Variants in FHAD1 observed in about 807,000 individuals in gnomAD.
The protein encoded by FHAD1 is forkhead-associated domain-containing protein 1.
Under a neutral mutation model 191.3 loss-of-function variants are expected in FHAD1, and 146 were observed. The ratio of observed to expected loss-of-function variants is 0.76; its 90% CI spans 0.67 to 0.88. The LOEUF (loss-of-function observed/expected upper bound fraction) is 0.88. Among genes scored for constraint, FHAD1 ranks in the 40% least tolerant of loss-of-function variants. FHAD1 has a pLI of 0.00. For missense variants in FHAD1, 1,635 were observed against 1,785.8 expected (o/e 0.92, Z 1.52); for synonymous variants, 616 against 672.3 (o/e 0.92, Z 1.29).
intron 32 of FHAD1, among the ~76,000 whole-genome samples, chr1:15,390,041 C>T (rs1703494098): frequency 6.6e-6 from 1 of 152,140 alleles, no homozygotes; most frequent in Non-Finnish European, 1.5e-5. Context: ...CTCATTTGGT[C>T]CATTTCAGAA....
In FHAD1 at chr1:15,369,426, G is replaced by A. The variant is rs992220340; in HGVS notation, c.3371G>A (p.Arg1124Gln). 3.2e-5 allele frequency: 50 copies of A among 1,551,732 alleles called. No homozygotes were observed. Among genetic ancestry groups the A allele is most frequent in the Middle Eastern group, 1.7e-4 (1 of 6,014 alleles). Residue 1124 changes from arginine (R) to glutamine (Q), a missense_variant, in exon 26 of 34, where the codon CGG (arginine) becomes CAG (glutamine). Transcript: ENST00000688493. ...QLNTEKEQKPRKKTQTCDTSV... is the reference protein window; with the variant it reads ...QLNTEKEQKPQKKTQTCDTSV... ...AACACAGAGAAGGAACAGAAGCCCCGGAAGAAGACCCAGACGTGTGACACC... is the reference window on the plus strand; with the variant it reads ...AACACAGAGAAGGAACAGAAGCCCCAGAAGAAGACCCAGACGTGTGACACC...
At chr1:15,383,658 G>T (rs1328361556) in intron 31 of FHAD1, 1 of 302,326 alleles carries the variant, frequency 3.3e-6, no homozygotes, top group South Asian at 3.1e-5. Flanking sequence ...CAAGGCTGGG[G>T]TTAGGCAAGT....
Position 15,339,508 on chromosome 1 carries a change from T to C in FHAD1, c.1934T>C (p.Leu645Pro), listed in dbSNP as rs1255959095. The change falls in exon 15 of 34, where the codon CTG becomes CCG. Residue 645 changes from leucine (L) to proline (P), a missense_variant. Coordinates refer to ENST00000688493, the MANE Select transcript of FHAD1 (RefSeq NM_001391957.1). ...TTCTCTTTGTATCTGATATATCTTCTGGAACATTATAAAAAACTTATGAGC... is the reference window on the plus strand; with the variant it reads ...TTCTCTTTGTATCTGATATATCTTCCGGAACATTATAAAAAACTTATGAGC... ...KGFSLYLIYL[L>P]EHYKKLMSQA... The C allele has an allele frequency of 7.8e-7, 1 of 1,285,218 alleles. No individual in the cohort carries two copies. Among genetic ancestry groups the C allele is most frequent in the African/African-American group, 1.5e-5 (1 of 65,064 alleles). 79.6% of individuals were successfully genotyped at this position (1,285,218 alleles called of 1,614,324 possible).
intron 23 of FHAD1, among the ~76,000 whole-genome samples, chr1:15,365,481 ATTTTTTT>A (rs71587751): frequency 2.7e-5 from 3 of 112,756 alleles, no homozygotes; most frequent in South Asian, 3.0e-4. Flanking sequence ...TGCCTGGCTA[ATTTTTTT>A]TTTTTTTTTT....
rs1663633377 is a variant in FHAD1 at position 15,289,322 on chromosome 1, A to G, written c.301-77A>G. On this transcript the variant is annotated intron_variant, in intron 3 of 33. Transcript: ENST00000688493. The surrounding 1 kb of genome is among the most constrained non-coding windows in gnomAD (Gnocchi z 4.2). ...TCATAAACCAAGACCTTGGGCAGCA[A>G]TGCTGTGGCTGGGACAAAGAAATGG... 3.3e-6 allele frequency: 5 copies of G among 1,496,512 alleles called. No individual in the cohort carries two copies. The South Asian group carries it at 6.6e-5, about 20-fold the overall frequency. The allele number at this position is 1,496,512 out of a possible 1,614,324, so 92.7% of individuals were successfully genotyped here. A position where few individuals can be genotyped will look rare whatever the true frequency, so the allele number is the denominator to read the frequency against.
At chr1:15,290,040 A>C (rs1242896970) in intron 4 of FHAD1, among the ~76,000 whole-genome samples, 1 of 152,174 alleles carries the variant, frequency 6.6e-6, no homozygotes, top group South Asian at 2.1e-4. Flanking sequence ...TTTGCCCCCA[A>C]CAGCCCTAGG....
intron 28 of FHAD1, among the ~76,000 whole-genome samples, chr1:15,376,089 ATTTT>A (rs1430820378): frequency 0.016 from 1,767 of 112,834 alleles, 11 homozygotes; most frequent in Middle Eastern, 0.039. Flanking sequence ...TTTTTTATTT[ATTTT>A]TTTATTTATT....
chr1:15,349,885 C>T (rs1690211835), intron 19 of FHAD1, among the ~76,000 whole-genome samples: 1 of 152,156 alleles, frequency 6.6e-6, no homozygotes, highest in African/African-American at 2.4e-5. Context: ...GACACACCTG[C>T]CCCGAGCAGC....
At chr1:15,293,868 T>A (rs1224664595) in intron 4 of FHAD1, among the ~76,000 whole-genome samples, 1 of 152,176 alleles carries the variant, frequency 6.6e-6, no homozygotes, top group Non-Finnish European at 1.5e-5. Flanking sequence ...CTTTGATGAG[T>A]AGATTTCTCC....
intron 3 of FHAD1, among the ~76,000 whole-genome samples, chr1:15,286,385 C>T (rs1436967965): frequency 5.9e-5 from 9 of 152,158 alleles, no homozygotes; most frequent in Non-Finnish European, 1.3e-4. Flanking sequence ...CGTCTATAGT[C>T]CAAGCTACTT....
upstream of FHAD1, among the ~76,000 whole-genome samples, chr1:15,245,821 C>CTA (rs751551622): frequency 6.6e-6 from 1 of 152,192 alleles, no homozygotes; most frequent in South Asian, 2.1e-4. Flanking sequence ...CCCAGGCCTG[C>CTA]TAAATCAGAA....
rs890271781 is a variant in FHAD1, at chr1:15,349,001, A to T, written c.2347-41A>T. ...TATCATTACTAGCAATTTCCCCCCT[A>T]AATGTGCAGGCCACCAAGAGCACTG... On this transcript the variant is annotated intron_variant, in intron 18 of 33. Coordinates refer to ENST00000688493, the MANE Select transcript of FHAD1 (RefSeq NM_001391957.1). 3.9e-6 allele frequency: 5 copies of T among 1,280,528 alleles called. No homozygotes were observed. The African/African-American group carries it at 6.0e-5, about 15-fold the overall frequency. The allele number at this position is 1,280,528 out of a possible 1,614,324, so 79.3% of individuals were successfully genotyped here.
chr1:15,320,081 A>G (rs960959193), intron 10 of FHAD1, among the ~76,000 whole-genome samples: 2 of 152,202 alleles, frequency 1.3e-5, no homozygotes, highest in African/African-American at 4.8e-5. Context: ...AATATTTTCC[A>G]AATCCCTTTG....
intron 16 of FHAD1, among the ~76,000 whole-genome samples, chr1:15,342,098 C>A (rs960476583): frequency 2.0e-5 from 3 of 152,184 alleles, no homozygotes; most frequent in Admixed American, 2.0e-4. Context: ...CTTGAAAAGG[C>A]AGCATGATTG....
intron 2 of FHAD1, among the ~76,000 whole-genome samples, chr1:15,253,046 ATAG>A (rs1488824876): frequency 2.6e-5 from 4 of 152,126 alleles, no homozygotes; most frequent in African/African-American, 9.7e-5. Context: ...AGTTCCAAAA[ATAG>A]TAGGTAGAGA....
chr1:15,264,662 A>G (rs958042306), intron 2 of FHAD1, among the ~76,000 whole-genome samples: 11 of 151,448 alleles, frequency 7.3e-5, no homozygotes, highest in African/African-American at 2.7e-4. Context: ...AATGCCTTTC[A>G]CTTCTTTTTC....
intron 28 of FHAD1, 86 bp from the exon 29 acceptor site, chr1:15,380,615 C>A: frequency 9.5e-7 from 1 of 1,054,614 alleles, no homozygotes; most frequent in Non-Finnish European, 1.4e-6. Flanking sequence ...AGTTAATCTT[C>A]GGTAATCACA....
At chr1:15,336,210 C>T (rs889093055) in intron 14 of FHAD1, among the ~76,000 whole-genome samples, 2 of 152,166 alleles carry the variant, frequency 1.3e-5, no homozygotes, top group Admixed American at 6.5e-5. Context: ...GTCGTTTCAC[C>T]TATAAATATG....
At chr1:15,309,982 G>C (rs1002495540) in intron 7 of FHAD1, among the ~76,000 whole-genome samples, 4 of 152,156 alleles carry the variant, frequency 2.6e-5, no homozygotes, top group South Asian at 2.1e-4. Context: ...GGTGGGGTCA[G>C]GGGGGAGGCA....
Sources: gnomAD v4.1 joint callset for allele counts (sites outside exome capture counted in the v4.1 genomes callset) on GRCh38, gnomAD v4.1.1 for gene constraint, Gnocchi (gnomAD v3.1) non-coding constraint, MANE v1.5 for transcripts, NCBI Gene and HGNC (gene_info 2026-07-23, HGNC 2026-07-21) for gene names.